ITPK1: variants seen among roughly 807,000 people sequenced by gnomAD.
The protein encoded by ITPK1 is inositol 1,3,4-trisphosphate 5/6-kinase.
In ITPK1, 21 loss-of-function variants were observed where a neutral mutation model predicts 45.3. That is an observed-to-expected ratio of 0.46 (90% confidence interval 0.33 to 0.67). The LOEUF (loss-of-function observed/expected upper bound fraction) is 0.67. Among genes scored for constraint, ITPK1 ranks in the 30% least tolerant of loss-of-function variants. ITPK1 has a pLI of 0.02. For synonymous variants in ITPK1, 258 were observed against 253.6 expected (o/e 1.02, Z -0.16); for missense variants, 474 against 573.5 (o/e 0.83, Z 1.77).
Position 92,962,793 on chromosome 14 carries a change from T to C in ITPK1, c.421A>G (p.Thr141Ala), listed in dbSNP as rs954744774. 1 of 1,613,992 alleles carries C rather than the reference T, an allele frequency of 6.2e-7. No homozygotes were observed. The highest frequency in any genetic ancestry group is 1.3e-5 in the African/African-American group (1 of 75,028). ...MELTSLCGDD[T>A]MRLLEKNGLT... The stretch of plus-strand genomic sequence containing the variant: ...CCGTTCTTCTCCAGCAGCCGCATGG[T>C]GTCATCCCCGCACAGGCTCGTGAGC... Residue 141 changes from threonine to alanine, a missense_variant, in exon 6 of 11, where the codon ACC (threonine) becomes GCC (alanine). Transcript: ENST00000267615.
chr14:93,054,217 T>C (rs903090353), intron 3 of ITPK1, among the ~76,000 whole-genome samples: 1 of 152,234 alleles, frequency 6.6e-6, no homozygotes, highest in Non-Finnish European at 1.5e-5. Flanking sequence ...TGACGTCATC[T>C]GTAAACAGGG....
At chr14:93,005,608 G>T (rs145547180) in intron 4 of ITPK1, among the ~76,000 whole-genome samples, 1 of 152,300 alleles carries the variant, frequency 6.6e-6, no homozygotes, top group East Asian at 1.9e-4. Context: ...GCTTCCTAAG[G>T]TGGTGGAAAG....
chr14:93,111,838 G>C (rs1892768179), intron 2 of ITPK1, among the ~76,000 whole-genome samples: 1 of 152,110 alleles, frequency 6.6e-6, no homozygotes, highest in Non-Finnish European at 1.5e-5. Context: ...CAGAGAAAGG[G>C]GAAGAAACAG....
chr14:92,965,739 C>T (rs1019518435), intron 5 of ITPK1, among the ~76,000 whole-genome samples: 2 of 152,216 alleles, frequency 1.3e-5, no homozygotes, highest in African/African-American at 4.8e-5. Context: ...CATGGTGGCT[C>T]ACGCCTGTAA....
chr14:93,050,453 C>T (rs1220932215), intron 3 of ITPK1, among the ~76,000 whole-genome samples: 2 of 152,118 alleles, frequency 1.3e-5, no homozygotes, highest in African/African-American at 2.4e-5. Context: ...CTCCAAGAGC[C>T]CCCAAGTGTC....
At chr14:93,102,134 G>C in intron 2 of ITPK1, among the ~76,000 whole-genome samples, 1 of 152,360 alleles carries the variant, frequency 6.6e-6, no homozygotes, top group East Asian at 1.9e-4. Flanking sequence ...AAAAGAACGA[G>C]GCACATTCCT....
At chr14:92,960,746 C>G (rs916981327) in intron 7 of ITPK1, among the ~76,000 whole-genome samples, 3 of 152,324 alleles carry the variant, frequency 2.0e-5, no homozygotes, top group African/African-American at 7.2e-5. Context: ...TGGTGGAAGG[C>G]GGGCAGGCAG....
intron 2 of ITPK1, among the ~76,000 whole-genome samples, chr14:93,087,373 G>C (rs1203707500): frequency 6.6e-6 from 1 of 152,184 alleles, no homozygotes; most frequent in African/African-American, 2.4e-5. Flanking sequence ...TGTAAGCCAA[G>C]AGCAGTGGCA....
intron 3 of ITPK1, among the ~76,000 whole-genome samples, chr14:93,020,051 G>A (rs1049835120): frequency 6.6e-6 from 1 of 152,214 alleles, no homozygotes; most frequent in Non-Finnish European, 1.5e-5. Context: ...CCGTTTCCAA[G>A]TCATGCCATC....
chr14:93,103,889 G>A (rs1426612235), intron 2 of ITPK1, among the ~76,000 whole-genome samples: 2 of 152,126 alleles, frequency 1.3e-5, no homozygotes, highest in Admixed American at 6.5e-5. Context: ...ACCATGCCCC[G>A]CCCTGCCCAG....
rs555529649 is a variant in ITPK1 at position 93,109,639 on chromosome 14, T to C, written c.95+5430A>G. On this transcript the variant is annotated intron_variant, in intron 2 of 10. Coordinates refer to ENST00000267615, the MANE Select transcript of ITPK1 (RefSeq NM_014216.6). ...TTTCTCAGCTTCCCCATCCATAAAG[T>C]AGGTGGGGACAGCACCTCCACCTCC... is the stretch of plus-strand genomic sequence containing the variant. Among the ~76,000 whole-genome samples, 5 of 152,284 alleles carry C rather than the reference T, an allele frequency of 3.3e-5. No individual in the cohort carries two copies. The South Asian group carries it at 1.0e-3, about 32-fold the overall frequency.
At chr14:93,015,755 A>C (rs1287597437) in intron 4 of ITPK1, among the ~76,000 whole-genome samples, 2 of 152,212 alleles carry the variant, frequency 1.3e-5, no homozygotes, top group Non-Finnish European at 2.9e-5. Context: ...ACGGGGTGAG[A>C]GCCCCAAGGA....
In ITPK1 at chr14:92,958,667, T is replaced by C. The variant is rs2139733151; in HGVS notation, c.505-301A>G. On this transcript the variant is annotated intron_variant, in intron 7 of 10. Transcript: ENST00000267615. This position sits in a 1 kb window ranked among gnomAD's most constrained non-coding sequence, Gnocchi z 4.4. Reference sequence around the variant, plus strand: ...GAGCGTGACACCACTTGTCGCACTGTGGTCCAGGGAAGGGGGCCGCTGAGG... The same window carrying C: ...GAGCGTGACACCACTTGTCGCACTGCGGTCCAGGGAAGGGGGCCGCTGAGG... Among the ~76,000 whole-genome samples, 1 of 152,302 alleles carries C rather than the reference T, an allele frequency of 6.6e-6. No individual in the cohort carries two copies. Among genetic ancestry groups the C allele is most frequent in the Admixed American group, 6.5e-5 (1 of 15,296 alleles).
chr14:92,960,714 A>C (rs1885027732), intron 7 of ITPK1, among the ~76,000 whole-genome samples: 1 of 152,242 alleles, frequency 6.6e-6, no homozygotes, highest in South Asian at 2.1e-4. Flanking sequence ...ACACAGAGGA[A>C]CCACTGGGTG....
intron 10 of ITPK1, among the ~76,000 whole-genome samples, chr14:92,945,013 A>G (rs979057319): frequency 1.7e-4 from 26 of 152,204 alleles, no homozygotes; most frequent in African/African-American, 6.3e-4. Context: ...CTGTAGCCAC[A>G]GGGCTCCACG....
chr14:93,006,796 G>A (rs999423520), intron 4 of ITPK1, among the ~76,000 whole-genome samples: 24 of 152,308 alleles, frequency 1.6e-4, no homozygotes, highest in African/African-American at 5.8e-4. Context: ...GAAGGAAAGA[G>A]AACACTATTA....
intron 3 of ITPK1, among the ~76,000 whole-genome samples, chr14:93,018,776 C>G (rs888995245): frequency 1.3e-5 from 2 of 152,152 alleles, no homozygotes; most frequent in Admixed American, 1.3e-4. Context: ...GAAGACGCTC[C>G]CTGCTGCAAA....
At chr14:93,080,640 G>A (rs968204267) in intron 2 of ITPK1, among the ~76,000 whole-genome samples, 5 of 152,194 alleles carry the variant, frequency 3.3e-5, no homozygotes, top group African/African-American at 1.2e-4. Flanking sequence ...GTGGCCACGG[G>A]GCTGTGGTTT....
chr14:93,000,015 T>C (rs1444699155), intron 4 of ITPK1, among the ~76,000 whole-genome samples: 1 of 152,240 alleles, frequency 6.6e-6, no homozygotes, highest in African/African-American at 2.4e-5. Context: ...TGGTCCTTCA[T>C]GACAGGCTCC....
Sources: gnomAD v4.1 joint callset for allele counts (sites outside exome capture counted in the v4.1 genomes callset) on GRCh38, gnomAD v4.1.1 for gene constraint, Gnocchi (gnomAD v3.1) non-coding constraint, MANE v1.5 for transcripts, NCBI Gene and HGNC (gene_info 2026-07-23, HGNC 2026-07-21) for gene names.